Variants in ADGRL2 observed in about 807,000 individuals in gnomAD.
ADGRL2 encodes the protein adhesion G protein-coupled receptor L2, also known as calcium-independent alpha-latrotoxin receptor 2.
ADGRL2 carries 44 observed loss-of-function variants against 157.4 expected under a neutral mutation model. The ratio of observed to expected loss-of-function variants is 0.28; its 90% confidence interval spans 0.22 to 0.36. ADGRL2 has a LOEUF of 0.36. Ranked by LOEUF, ADGRL2 falls within the 10% of genes least tolerant of loss-of-function variation. The pLI, the probability that ADGRL2 is intolerant of heterozygous loss-of-function variation, is 1.00. For synonymous variants in ADGRL2, 585 were observed against 624.7 expected (o/e 0.94, Z 0.95); for missense variants, 1,510 against 1,768.9 (o/e 0.85, Z 2.63).
At chr1:81,800,762 G>A (rs1360754039), upstream of ADGRL2, among the ~76,000 whole-genome samples, 2 of 151,590 alleles carry the variant, frequency 1.3e-5, no homozygotes, top group Admixed American at 1.3e-4. Context: ...CCAGCGCGCA[G>A]TGAGTGGAGT....
chr1:81,581,790 A>G (rs770496644), intron 3 of ADGRL2, among the ~76,000 whole-genome samples: 1 of 152,060 alleles, frequency 6.6e-6, no homozygotes, highest in Non-Finnish European at 1.5e-5. Flanking sequence ...TTGCCTACAA[A>G]TATTGCATAA....
chr1:81,874,068 A>G (rs1014358937), intron 2 of ADGRL2, among the ~76,000 whole-genome samples: 1 of 152,158 alleles, frequency 6.6e-6, no homozygotes, highest in Admixed American at 6.6e-5. Context: ...TTTCCCACTC[A>G]TAAACTTTCA....
chr1:81,460,496 G>T (rs1472792884), intron 2 of ADGRL2, among the ~76,000 whole-genome samples: 3 of 152,034 alleles, frequency 2.0e-5, no homozygotes, highest in African/African-American at 4.8e-5. Context: ...ACCTTAAAGG[G>T]ATGGTTATCC....
At chr1:81,522,573 A>T (rs1553173432) in intron 2 of ADGRL2, among the ~76,000 whole-genome samples, 1 of 151,662 alleles carries the variant, frequency 6.6e-6, no homozygotes, top group Non-Finnish European at 1.5e-5. Flanking sequence ...CCTGTAGTAT[A>T]GGTGATGCAT....
At chr1:81,476,735 T>C (rs2078280351) in intron 2 of ADGRL2, among the ~76,000 whole-genome samples, 1 of 152,194 alleles carries the variant, frequency 6.6e-6, no homozygotes, top group Non-Finnish European at 1.5e-5. Flanking sequence ...TCAGATAACA[T>C]TGTGCAGTTT....
intron 3 of ADGRL2, among the ~76,000 whole-genome samples, chr1:81,686,366 G>A (rs1286266615): frequency 6.6e-6 from 1 of 152,000 alleles, no homozygotes; most frequent in African/African-American, 2.4e-5. Context: ...AAGCTAGGAG[G>A]GTTGTATTTT....
chr1:81,495,540 A>G (rs2078714051), intron 2 of ADGRL2, among the ~76,000 whole-genome samples: 1 of 152,148 alleles, frequency 6.6e-6, no homozygotes, highest in African/African-American at 2.4e-5. Flanking sequence ...TCTCTTCATA[A>G]TGGCTGATTA....
intron 3 of ADGRL2, among the ~76,000 whole-genome samples, chr1:81,620,389 G>A (rs934564311): frequency 6.6e-6 from 1 of 152,146 alleles, no homozygotes; most frequent in African/African-American, 2.4e-5. Context: ...TATTATTTAG[G>A]TTTAGGTCAA....
At chr1:81,669,099 A>G (rs2082813777) in intron 3 of ADGRL2, among the ~76,000 whole-genome samples, 2 of 152,186 alleles carry the variant, frequency 1.3e-5, no homozygotes, top group African/African-American at 4.8e-5. Context: ...TTCTAGTTTC[A>G]GGTGGATTTG....
intron 1 of ADGRL2, among the ~76,000 whole-genome samples, chr1:81,361,961 G>T (rs1403100176): frequency 6.6e-6 from 1 of 151,698 alleles, no homozygotes; most frequent in East Asian, 1.9e-4. Context: ...ACAAATTCCT[G>T]GTTAGTCTGC....
intron 3 of ADGRL2, among the ~76,000 whole-genome samples, chr1:81,663,693 G>A (rs911484161): frequency 1.1e-4 from 17 of 152,180 alleles, no homozygotes; most frequent in African/African-American, 3.9e-4. Context: ...GGAATGAGCA[G>A]GTGGTGACCA....
At chr1:81,770,556 C>T (rs988261041) in intron 2 of ADGRL2, among the ~76,000 whole-genome samples, 3 of 152,118 alleles carry the variant, frequency 2.0e-5, no homozygotes, top group African/African-American at 7.2e-5. Context: ...TCACTGCAAC[C>T]TCCACCTCCT....
chr1:81,445,849 T>C (rs1183178339), intron 2 of ADGRL2, among the ~76,000 whole-genome samples: 6 of 152,238 alleles, frequency 3.9e-5, no homozygotes, highest in African/African-American at 1.4e-4. Flanking sequence ...AGTTGTGGCA[T>C]AGCATAAACA....
intron 3 of ADGRL2, among the ~76,000 whole-genome samples, chr1:81,927,690 A>G (rs963610244): frequency 6.6e-6 from 1 of 152,006 alleles, no homozygotes; most frequent in Admixed American, 6.6e-5. Context: ...TCTAGACTAC[A>G]CAAATTATTA....
chr1:81,571,452 C>CAT (rs1230153344), intron 2 of ADGRL2, among the ~76,000 whole-genome samples: 16 of 146,152 alleles, frequency 1.1e-4, no homozygotes, highest in Admixed American at 4.1e-4. Context: ...TATACACACA[C>CAT]ATATATATAT....
intron 3 of ADGRL2, among the ~76,000 whole-genome samples, chr1:81,685,843 A>C (rs183357211): frequency 1.3e-5 from 2 of 152,268 alleles, no homozygotes; most frequent in East Asian, 3.9e-4. Context: ...TTTAATCATA[A>C]AGGGATGCTG....
chr1:81,734,675 A>G (rs959268335), intron 1 of ADGRL2, among the ~76,000 whole-genome samples: 7 of 148,304 alleles, frequency 4.7e-5, no homozygotes, highest in Non-Finnish European at 9.0e-5. Context: ...TCCATGCACA[A>G]GGCATTATTT....
At chr1:81,312,635 C>T (rs1398129506) in intron 1 of ADGRL2, among the ~76,000 whole-genome samples, 1 of 152,122 alleles carries the variant, frequency 6.6e-6, no homozygotes, top group African/African-American at 2.4e-5. Flanking sequence ...TTCATTTTTT[C>T]AGCCTTTAGC....
intron 2 of ADGRL2, among the ~76,000 whole-genome samples, chr1:81,535,847 A>G (rs1423554005): frequency 6.6e-6 from 1 of 152,212 alleles, no homozygotes; most frequent in Non-Finnish European, 1.5e-5. Flanking sequence ...TCTAAATACA[A>G]ATTAGAGGCA....
Sources: allele counts gnomAD v4.1 joint callset (sites outside exome capture counted in the v4.1 genomes callset), GRCh38; gene constraint gnomAD v4.1.1; transcripts MANE v1.5; gene names NCBI Gene and HGNC (gene_info 2026-07-23, HGNC 2026-07-21).